BDNF: variants seen among roughly 807,000 people sequenced by gnomAD.
BDNF encodes the protein neurotrophic factor BDNF precursor form.
BDNF carries 1 observed loss-of-function variant against 19.5 expected under a neutral mutation model. The ratio of observed to expected loss-of-function variants is 0.05; its 90% CI spans 0.02 to 0.24. BDNF has a LOEUF of 0.24. BDNF is among the 10% of genes least tolerant of loss of function. The pLI is 1.00. For synonymous variants in BDNF, 100 were observed against 121.6 expected (o/e 0.82, Z 1.17); for missense variants, 195 against 317.6 (o/e 0.61, Z 2.93).
chr11:27,693,459 AT>A (rs1463918637), intron 1 of BDNF, among the ~76,000 whole-genome samples: 7 of 152,360 alleles, frequency 4.6e-5, no homozygotes, highest in Non-Finnish European at 1.0e-4. Flanking sequence ...AGATTCTATC[AT>A]TCAACAGAAT....
At chr11:27,672,227 C>T (rs975692294) in intron 1 of BDNF, among the ~76,000 whole-genome samples, 3 of 150,904 alleles carry the variant, frequency 2.0e-5, no homozygotes, top group African/African-American at 7.3e-5. Flanking sequence ...ATATTGCTGA[C>T]CTAAATCTGG....
intron 1 of BDNF, among the ~76,000 whole-genome samples, chr11:27,687,831 G>C (rs1159761028): frequency 6.6e-6 from 1 of 152,198 alleles, no homozygotes; most frequent in Non-Finnish European, 1.5e-5. Flanking sequence ...TCTCCTGTAT[G>C]AAGTGTCTGT....
chr11:27,672,554 T>C (rs12291063), intron 1 of BDNF, among the ~76,000 whole-genome samples: 17,441 of 152,054 alleles, frequency 0.11, 2,519 homozygotes, highest in African/African-American at 0.31. Flanking sequence ...TCCTACCAAA[T>C]ACCATGAAAT....
intron 1 of BDNF, chr11:27,674,789 T>A: frequency 1.0e-6 from 1 of 963,092 alleles, no homozygotes; most frequent in Non-Finnish European, 1.2e-6. Flanking sequence ...CATCTAAGCA[T>A]AGGACAGGGA....
intron 1 of BDNF, chr11:27,697,718 A>T (rs925390235): frequency 4.6e-5 from 7 of 152,348 alleles, no homozygotes; most frequent in Middle Eastern, 3.4e-3. Context: ...GGATGCACCA[A>T]TGTTGACCTA....
chr11:27,702,421 G>A (rs1039939949), upstream of BDNF, among the ~76,000 whole-genome samples: 1 of 152,014 alleles, frequency 6.6e-6, no homozygotes, highest in Non-Finnish European at 1.5e-5. Flanking sequence ...TACAACACTG[G>A]GTATCAGAGG....
chr11:27,719,809 G>T (rs1590511901), intron 1 of BDNF: 2 of 248,352 alleles, frequency 8.1e-6, no homozygotes, highest in African/African-American at 2.3e-5. Flanking sequence ...CAGAGAGAAT[G>T]AATCCTTCTC....
At chr11:27,720,805 T>G (rs750597581) in intron 1 of BDNF, 78 of 987,656 alleles carry the variant, frequency 7.9e-5, no homozygotes, top group Non-Finnish European at 9.3e-5. Flanking sequence ...TTCCACTTCC[T>G]TACGGTTTGT....
At chr11:27,683,532 G>A (rs1194735790) in intron 1 of BDNF, among the ~76,000 whole-genome samples, 1 of 152,104 alleles carries the variant, frequency 6.6e-6, no homozygotes, top group Non-Finnish European at 1.5e-5. Flanking sequence ...GGTTTTTATG[G>A]TTTTATGTTT....
At chr11:27,699,384 A>C (rs996039893) in intron 1 of BDNF, 2 of 1,613,928 alleles carry the variant, frequency 1.2e-6, no homozygotes, top group Non-Finnish European at 1.7e-6. Flanking sequence ...TCACTCACCC[A>C]TTCCTCTTCC....
chr11:27,701,062 CT>C, upstream of BDNF: 1 of 1,347,436 alleles, frequency 7.4e-7, no homozygotes, highest in East Asian at 4.8e-5. Context: ...ACTCTGCTGC[CT>C]TAAACACGCC....
upstream of BDNF, chr11:27,701,131 C>A: frequency 7.9e-7 from 1 of 1,270,976 alleles, no homozygotes; most frequent in Non-Finnish European, 1.0e-6. Flanking sequence ...GGAATTCAAT[C>A]AAGATAATAA....
chr11:27,719,139 C>T (rs1394463543), intron 1 of BDNF, among the ~76,000 whole-genome samples: 1 of 152,220 alleles, frequency 6.6e-6, no homozygotes, highest in Admixed American at 6.5e-5. Flanking sequence ...CCCGGGGGTG[C>T]AGGCGGGGGC....
chr11:27,684,423 A>C (rs996976904), intron 1 of BDNF, among the ~76,000 whole-genome samples: 1 of 152,172 alleles, frequency 6.6e-6, no homozygotes, highest in African/African-American at 2.4e-5. Context: ...CCTGGCTAGA[A>C]CGTCCAATAC....
At chr11:27,702,441 C>T (rs1859947518), upstream of BDNF, among the ~76,000 whole-genome samples, 1 of 152,160 alleles carries the variant, frequency 6.6e-6, no homozygotes, top group African/African-American at 2.4e-5. Context: ...GAATCTCCCA[C>T]CAAGCCCACA....
At chr11:27,670,187 G>A (rs1855115666) in intron 1 of BDNF, among the ~76,000 whole-genome samples, 1 of 152,162 alleles carries the variant, frequency 6.6e-6, no homozygotes, top group Non-Finnish European at 1.5e-5. Context: ...AAATGGTGCT[G>A]GGAAAACTGG....
chr11:27,659,058 G>T (rs1458648128), intron 1 of BDNF: 1 of 1,032,788 alleles, frequency 9.7e-7, no homozygotes, highest in Non-Finnish European at 1.2e-6. Flanking sequence ...GGCCTGAGGG[G>T]TCTGATGGGC....
intron 1 of BDNF, among the ~76,000 whole-genome samples, chr11:27,666,920 G>A (rs1720054313): frequency 1.3e-5 from 2 of 152,078 alleles, no homozygotes; most frequent in South Asian, 4.1e-4. Flanking sequence ...TACAGAGAAT[G>A]CCGCAAAGAT....
chr11:27,662,288 G>C (rs570034638), intron 1 of BDNF, among the ~76,000 whole-genome samples: 1 of 152,328 alleles, frequency 6.6e-6, no homozygotes, highest in South Asian at 2.1e-4. Flanking sequence ...TAAGTTCTTT[G>C]AGGGAATGGA....
Sources: allele counts gnomAD v4.1 joint callset (sites outside exome capture counted in the v4.1 genomes callset), GRCh38; gene constraint gnomAD v4.1.1; transcripts MANE v1.5; gene names NCBI Gene and HGNC (gene_info 2026-07-23, HGNC 2026-07-21).